ZFP28: variants seen among roughly 807,000 people sequenced by gnomAD.
ZFP28 encodes ZFP28 zinc finger protein, also known as zinc finger protein 28 homolog.
Under a neutral mutation model 39.5 loss-of-function variants are expected in ZFP28, and 31 were observed. That is an observed-to-expected ratio of 0.79 (90% CI 0.59 to 1.06). ZFP28 has a LOEUF of 1.06. Among genes scored for constraint, ZFP28 ranks in the 50% least tolerant of loss-of-function variants. The probability of loss-of-function intolerance (pLI) is 0.00; values close to 1 mark genes in which losing one functional copy is unlikely to be tolerated. For synonymous variants in ZFP28, 400 were observed against 378.6 expected (o/e 1.06, Z -0.66); for missense variants, 925 against 1,048.4 (o/e 0.88, Z 1.63).
chr19:56,554,223 G>A lies in ZFP28; in HGVS notation c.1438G>A (p.Glu480Lys). 1 of 1,614,190 alleles carries A rather than the reference G, an allele frequency of 6.2e-7. No individual in the cohort carries two copies. The highest frequency in any genetic ancestry group is 1.3e-5 in the African/African-American group (1 of 75,052). Residue 480 changes from glutamate to lysine, a missense_variant, in exon 8 of 8, where the codon GAG (glutamate) becomes AAG (lysine). This residue lies in a region of ZFP28 where 369 missense variants were observed against 505.5 expected (regional missense o/e 0.73). Transcript: ENST00000301318. The surrounding 1 kb of genome is among the most constrained non-coding windows in gnomAD (Gnocchi z 6.7). ...HTGKKPYECI[E>K]CGKAFIQNTS... ...TGGCAAGAAGCCCTATGAGTGCATT[G>A]AGTGTGGGAAAGCTTTCATACAGAA...
intron 2 of ZFP28, among the ~76,000 whole-genome samples, chr19:56,543,103 T>A (rs1390652533): frequency 6.6e-6 from 1 of 152,152 alleles, no homozygotes; most frequent in Non-Finnish European, 1.5e-5. Context: ...TCATCAGGAA[T>A]AATAGTTATT....
intron 7 of ZFP28, chr19:56,550,953 C>A: frequency 2.2e-6 from 3 of 1,390,968 alleles, no homozygotes; most frequent in East Asian, 5.4e-5. Flanking sequence ...CATCATGCAT[C>A]CATTCCTGTG....
At chr19:56,544,046 C>T (rs997922358) in intron 2 of ZFP28, among the ~76,000 whole-genome samples, 3 of 152,190 alleles carry the variant, frequency 2.0e-5, no homozygotes, top group Non-Finnish European at 2.9e-5. Context: ...GGACCTGCCT[C>T]AAGCAGTTCT....
intron 5 of ZFP28, among the ~76,000 whole-genome samples, chr19:56,549,404 G>A (rs551417096): frequency 1.3e-5 from 2 of 152,114 alleles, no homozygotes; most frequent in South Asian, 4.2e-4. Context: ...GAGGCCAGGC[G>A]CGGTGGCTCA....
At position 56,555,110 on chromosome 19, in the gene ZFP28, T is replaced by A; in HGVS notation, c.2325T>A (p.His775Gln). 1 of 1,614,202 alleles carries A rather than the reference T, an allele frequency of 6.2e-7. No individual in the cohort carries two copies. Among genetic ancestry groups the A allele is most frequent in the Non-Finnish European group, 8.5e-7 (1 of 1,180,040 alleles). Reference protein sequence around the residue: ...AFSHRQSLSVHQRIHSGKKPY... With the variant: ...AFSHRQSLSVQQRIHSGKKPY... ...GTCATCGTCAATCCCTTAGTGTACA[T>A]CAGAGAATCCATTCTGGAAAGAAAC... Residue 775 changes from histidine (H) to glutamine (Q), a missense_variant, in exon 8 of 8, where the codon CAT (histidine) becomes CAA (glutamine). Coordinates refer to ENST00000301318, the MANE Select transcript of ZFP28 (RefSeq NM_020828.2).
At chr19:56,540,273 T>G (rs1160433996) in intron 2 of ZFP28, among the ~76,000 whole-genome samples, 1 of 152,194 alleles carries the variant, frequency 6.6e-6, no homozygotes. Context: ...TTTTGAGCCT[T>G]GCCTTGAAGG....
rs1458402288 is a variant in ZFP28 at position 56,556,082 on chromosome 19, T to G, written c.*690T>G. 1 of 152,252 alleles carries G rather than the reference T, an allele frequency of 6.6e-6. No homozygotes were observed. Among genetic ancestry groups the G allele is most frequent in the Non-Finnish European group, 1.5e-5 (1 of 68,066 alleles). 9.4% of individuals were successfully genotyped at this position (152,252 alleles called of 1,614,324 possible). A position where few individuals can be genotyped will look rare whatever the true frequency, so the allele number is the denominator to read the frequency against. On this transcript the variant is annotated 3_prime_UTR_variant, in exon 8 of 8. Coordinates refer to ENST00000301318, the MANE Select transcript of ZFP28 (RefSeq NM_020828.2). ...AAAACTTTTAAGGAACCATTCATTGTGAGGTAAACTGATCCAGAATAGGGG... is the reference window on the plus strand; with the variant it reads ...AAAACTTTTAAGGAACCATTCATTGGGAGGTAAACTGATCCAGAATAGGGG...
At position 56,551,422 on chromosome 19, in the gene ZFP28, A is replaced by C. The variant is rs968240203; in HGVS notation, c.898+817A>C. ...TTTCACATAGTAGAAATTACAGTGT[A>C]TATTCAGTTACGCATACACGTTTTT... On this transcript the variant is annotated intron_variant, in intron 7 of 7. Transcript: ENST00000301318. 9.1e-6 allele frequency: 9 copies of C among 985,656 alleles called. No homozygotes were observed. In the South Asian group the frequency reaches 2.8e-4, roughly 31 times the overall value. The allele number at this position is 985,656 out of a possible 1,614,324, so 61.1% of individuals were successfully genotyped here. A position where few individuals can be genotyped will look rare whatever the true frequency, so the allele number is the denominator to read the frequency against.
In ZFP28 at chr19:56,548,860, T is replaced by A. The variant is rs1190931664; in HGVS notation, c.524-98T>A. 1.1e-5 allele frequency: 14 copies of A among 1,245,090 alleles called. No individual in the cohort carries two copies. In the East Asian group the frequency reaches 2.8e-4, roughly 25 times the overall value. 77.1% of individuals were successfully genotyped at this position (1,245,090 alleles called of 1,614,324 possible). Reference sequence around the variant, plus strand: ...TCTTCCATAAAAATAAATGACTATATGCTTTTTTGTGGCTTTTAATTTAAC... The same window carrying A: ...TCTTCCATAAAAATAAATGACTATAAGCTTTTTTGTGGCTTTTAATTTAAC... On this transcript the variant is annotated intron_variant, in intron 4 of 7. Coordinates refer to ENST00000301318, the MANE Select transcript of ZFP28 (RefSeq NM_020828.2).
At chr19:56,551,536 T>C (rs2044303191) in intron 7 of ZFP28, 1 of 985,070 alleles carries the variant, frequency 1.0e-6, no homozygotes, top group Admixed American at 6.1e-5. Flanking sequence ...TAGATTTTTT[T>C]CAAGTTAAGT....
intron 4 of ZFP28, chr19:56,548,414 G>T (rs1303577578): frequency 1.3e-5 from 2 of 152,878 alleles, no homozygotes; most frequent in Non-Finnish European, 2.9e-5. Context: ...TAATTGTGAA[G>T]ACTTACATTT....
At chr19:56,538,431 TG>T (rs1421068809), upstream of ZFP28, 2 of 153,306 alleles carry the variant, frequency 1.3e-5, no homozygotes, top group East Asian at 3.8e-4. Flanking sequence ...TCACCCGGTC[TG>T]CCGCTGCGCC....
chr19:56,555,350 T>G lies in ZFP28; in HGVS notation c.2565T>G (p.Phe855Leu). The stretch of plus-strand genomic sequence containing the variant: ...CCACGTCAAATCCTGTGGATCTGTT[T>G]CCCAAATTTCTCTGGAATCCATCCT... ...LPSTSNPVDL[F>L]PKFLWNPSSL... is the part of the protein sequence containing the mutation. The change falls in exon 8 of 8, where the codon TTT (phenylalanine) becomes TTG (leucine). Residue 855 changes from phenylalanine (F) to leucine (L), a missense_variant. This residue lies in a region of ZFP28 where 369 missense variants were observed against 505.5 expected (regional missense o/e 0.73). Coordinates refer to ENST00000301318, the MANE Select transcript of ZFP28 (RefSeq NM_020828.2). 6.2e-7 allele frequency: 1 copy of G among 1,613,050 alleles called. No homozygotes were observed. The highest frequency in any genetic ancestry group is 8.5e-7 in the Non-Finnish European group (1 of 1,179,564).
Position 56,539,029 on chromosome 19 carries a change from C to A in ZFP28, c.11C>A (p.Ala4Glu), listed in dbSNP as rs1378199295. The change falls in exon 1 of 8, where the codon GCG (alanine) becomes GAG (glutamate). Residue 4 changes from alanine to glutamate, a missense_variant. Ala to Glu is a moderately radical substitution (Grantham distance 107, BLOSUM62 -1). Around this residue, in one of 2 missense-constraint regions of ZFP28, gnomAD observed 556 missense variants for 542.9 expected, o/e 1.02. Transcript: ENST00000301318. MRG[A>E]ASASVREPTP... ...GCGGCCTCGGGTGACATGCGGGGGG[C>A]GGCGAGCGCGAGTGTCCGCGAGCCG... 4.1e-5 allele frequency: 59 copies of A among 1,422,594 alleles called. No homozygotes were observed. The highest frequency in any genetic ancestry group is 5.1e-5 in the Non-Finnish European group (56 of 1,095,284). The allele number at this position is 1,422,594 out of a possible 1,614,324, so 88.1% of individuals were successfully genotyped here.
chr19:56,547,309 C>A lies in ZFP28; in HGVS notation c.301-199C>A. On this transcript the variant is annotated intron_variant, in intron 2 of 7. Coordinates refer to ENST00000301318, the MANE Select transcript of ZFP28 (RefSeq NM_020828.2). The surrounding 1 kb of genome is among the most constrained non-coding windows in gnomAD (Gnocchi z 4.6). The stretch of plus-strand genomic sequence containing the variant: ...GGACACCAGACAGATTGGGTTAGGG[C>A]CCCACCCATATGACCTCATTTAACC... 1 of 693,626 alleles carries A rather than the reference C, an allele frequency of 1.4e-6. No homozygotes were observed. The highest frequency in any genetic ancestry group is 1.9e-5 in the South Asian group (1 of 51,664). 43.0% of individuals were successfully genotyped at this position (693,626 alleles called of 1,614,324 possible).
rs751525078 is a variant in ZFP28 at position 56,554,359 on chromosome 19, G to T, written c.1574G>T (p.Arg525Ile). 6.8e-6 allele frequency: 11 copies of T among 1,614,146 alleles called. No homozygotes were observed. The East Asian group carries it at 1.8e-4, about 26-fold the overall frequency. The change falls in exon 8 of 8, where the codon AGA (arginine) becomes ATA (isoleucine). Residue 525 changes from arginine to isoleucine, a missense_variant. Coordinates refer to ENST00000301318, the MANE Select transcript of ZFP28 (RefSeq NM_020828.2). This position sits in a 1 kb window ranked among gnomAD's most constrained non-coding sequence, Gnocchi z 6.7. ...CACATAGGGCTTAATCAACACAGGAGAATTCATACTGGAGAGAAACCTTAC... is the reference window on the plus strand; with the variant it reads ...CACATAGGGCTTAATCAACACAGGATAATTCATACTGGAGAGAAACCTTAC... ...SDHIGLNQHR[R>I]IHTGEKPYKC...
upstream of ZFP28, chr19:56,538,934 T>C (rs1159641757): frequency 6.8e-6 from 8 of 1,170,322 alleles, no homozygotes; most frequent in Non-Finnish European, 8.6e-6. Flanking sequence ...CGCGGGGCTG[T>C]TCGCTGGGCG....
At position 56,554,861 on chromosome 19, in the gene ZFP28, G is replaced by A. The variant is rs1350139569; in HGVS notation, c.2076G>A (p.Gln692=). Residue 692 remains glutamine, a synonymous_variant, in exon 8 of 8, where the codon CAG becomes CAA. Coordinates refer to ENST00000301318, the MANE Select transcript of ZFP28 (RefSeq NM_020828.2). The surrounding 1 kb of genome is among the most constrained non-coding windows in gnomAD (Gnocchi z 6.7). The part of the protein sequence containing the change: ...FSQTTHLIQH[Q]RVHTGEKPYK... ...AGACCACACACCTCATTCAACATCA[G>A]AGAGTTCACACTGGTGAGAAACCCT... 3 of 1,614,176 alleles carry A rather than the reference G, an allele frequency of 1.9e-6. No individual in the cohort carries two copies. Among genetic ancestry groups the A allele is most frequent in the Non-Finnish European group, 1.7e-6 (2 of 1,180,022 alleles).
At position 56,554,885 on chromosome 19, in the gene ZFP28, C is replaced by T; in HGVS notation, c.2100C>T (p.Pro700=). Reference sequence around the variant, plus strand: ...AGAGAGTTCACACTGGTGAGAAACCCTATAAATGTATGGAATGTGGGAAGG... The same window carrying T: ...AGAGAGTTCACACTGGTGAGAAACCTTATAAATGTATGGAATGTGGGAAGG... The part of the protein sequence containing the change: ...QHQRVHTGEK[P]YKCMECGKAF... Residue 700 remains proline, a synonymous_variant, in exon 8 of 8, where the codon CCC becomes CCT. Transcript: ENST00000301318. The surrounding 1 kb of genome is among the most constrained non-coding windows in gnomAD (Gnocchi z 6.7). 6.2e-7 allele frequency: 1 copy of T among 1,613,964 alleles called. No homozygotes were observed. The highest frequency in any genetic ancestry group is 8.5e-7 in the Non-Finnish European group (1 of 1,179,952).
Sources: gnomAD v4.1 joint callset for allele counts (sites outside exome capture counted in the v4.1 genomes callset) on GRCh38, gnomAD v4.1.1 for gene constraint, gnomAD v4.1.1 regional missense constraint, Gnocchi (gnomAD v3.1) non-coding constraint, MANE v1.5 for transcripts, NCBI Gene and HGNC (gene_info 2026-07-23, HGNC 2026-07-21) for gene names.